ARHGAP15: variants seen among roughly 807,000 people sequenced by gnomAD.
ARHGAP15 encodes the protein rho GTPase-activating protein 15.
A neutral mutation model predicts 63.7 loss-of-function variants in ARHGAP15; 51 were observed. That is an observed-to-expected ratio of 0.80 (90% CI 0.64 to 1.01). The LOEUF (loss-of-function observed/expected upper bound fraction) is 1.01, where lower values mean the gene tolerates loss of function less well. Among genes scored for constraint, ARHGAP15 ranks in the 50% least tolerant of loss-of-function variants. The pLI, the probability that ARHGAP15 is intolerant of heterozygous loss-of-function variation, is 0.00. For missense variants in ARHGAP15, 560 were observed against 564.6 expected (o/e 0.99, Z 0.08); for synonymous variants, 191 against 193.8 (o/e 0.99, Z 0.12).
intron 6 of ARHGAP15, among the ~76,000 whole-genome samples, chr2:143,367,546 T>C (rs1375475200): frequency 1.3e-5 from 2 of 152,096 alleles, no homozygotes; most frequent in African/African-American, 4.8e-5. Context: ...TATTTATAAC[T>C]AAATGGCATT....
At chr2:143,481,102 G>A (rs552889074) in intron 8 of ARHGAP15, among the ~76,000 whole-genome samples, 120 of 152,032 alleles carry the variant, frequency 7.9e-4, no homozygotes, top group Non-Finnish European at 1.4e-3. Flanking sequence ...ACCTTATTTT[G>A]TCTTTTTTTT....
chr2:143,564,161 A>G (rs1051194111), intron 11 of ARHGAP15: 1 of 152,266 alleles, frequency 6.6e-6, no homozygotes, highest in African/African-American at 2.4e-5. Context: ...ATCTTACAGC[A>G]TGGCAGCTGC....
chr2:143,673,179 C>T (rs183817460), intron 12 of ARHGAP15, among the ~76,000 whole-genome samples: 33 of 152,196 alleles, frequency 2.2e-4, no homozygotes, highest in African/African-American at 5.5e-4. Context: ...ACATATACAG[C>T]GTTTGAGATT....
intron 9 of ARHGAP15, among the ~76,000 whole-genome samples, chr2:143,514,204 T>C (rs948995392): frequency 3.9e-4 from 60 of 152,204 alleles, no homozygotes; most frequent in African/African-American, 1.4e-3. Flanking sequence ...ACACAGTGTC[T>C]GGCTTATAAC....
chr2:143,191,882 A>C (rs1361730907), intron 2 of ARHGAP15, among the ~76,000 whole-genome samples: 2 of 152,232 alleles, frequency 1.3e-5, no homozygotes, highest in Non-Finnish European at 2.9e-5. Flanking sequence ...CCCATCTTTT[A>C]TAAAAATGTG....
At chr2:143,733,039 A>AAT (rs1447233099) in intron 13 of ARHGAP15, among the ~76,000 whole-genome samples, 2 of 151,686 alleles carry the variant, frequency 1.3e-5, no homozygotes, top group African/African-American at 4.8e-5. Context: ...ATGTCACATG[A>AAT]ATATCTCCAC....
At chr2:143,647,861 C>T (rs1326701542) in intron 12 of ARHGAP15, among the ~76,000 whole-genome samples, 1 of 151,982 alleles carries the variant, frequency 6.6e-6, no homozygotes, top group South Asian at 2.1e-4. Flanking sequence ...AATAAATTAA[C>T]TTTTCTCATT....
intron 11 of ARHGAP15, among the ~76,000 whole-genome samples, chr2:143,587,145 C>A (rs1469195404): frequency 6.6e-6 from 1 of 152,114 alleles, no homozygotes; most frequent in Non-Finnish European, 1.5e-5. Flanking sequence ...AGGATACAGC[C>A]ATTCCCATGT....
At chr2:143,489,186 G>T (rs1692464539) in intron 9 of ARHGAP15, among the ~76,000 whole-genome samples, 1 of 152,204 alleles carries the variant, frequency 6.6e-6, no homozygotes, top group African/African-American at 2.4e-5. Flanking sequence ...GGCTCCACAT[G>T]AAATGCTGAA....
At chr2:143,492,564 C>A (rs947058719) in intron 9 of ARHGAP15, among the ~76,000 whole-genome samples, 4 of 151,056 alleles carry the variant, frequency 2.6e-5, no homozygotes, top group Admixed American at 1.3e-4. Flanking sequence ...TCAAGATGAG[C>A]CTGGGCACGA....
At chr2:143,701,361 T>G (rs1327898705) in intron 12 of ARHGAP15, among the ~76,000 whole-genome samples, 1 of 152,204 alleles carries the variant, frequency 6.6e-6, no homozygotes, top group African/African-American at 2.4e-5. Flanking sequence ...CATCTTATTA[T>G]TAAGAACTGT....
chr2:143,448,439 AAGATGAATTCAGAGATCAGAGGTAAGG>A (rs1163085517), intron 8 of ARHGAP15, among the ~76,000 whole-genome samples: 7 of 152,066 alleles, frequency 4.6e-5, no homozygotes, highest in African/African-American at 7.2e-5. Flanking sequence ...CAGAGGTAAG[AAGATGAATTCAGAGATCAGAGGTAAGG>A]AGATGAATTC....
Position 143,285,353 on chromosome 2 carries a change from ACACT to A in ARHGAP15, c.474+34756_474+34759del, listed in dbSNP as rs1479697541. On this transcript the variant is annotated intron_variant, in intron 6 of 13. Transcript: ENST00000295095. ...TATACTAAAACATTAAGATATATAAACACTCAAACTATCATTACAAAATCTATGT... is the reference window on the plus strand; with the variant it reads ...TATACTAAAACATTAAGATATATAAACAAACTATCATTACAAAATCTATGT... Among the ~76,000 whole-genome samples the A allele has an allele frequency of 9.8e-5, 15 of 152,286 alleles. 1 individual carries two copies. The South Asian group carries it at 1.9e-3, about 19-fold the overall frequency.
intron 12 of ARHGAP15, among the ~76,000 whole-genome samples, chr2:143,664,680 T>C (rs1165356431): frequency 1.3e-5 from 2 of 150,982 alleles, no homozygotes; most frequent in African/African-American, 2.4e-5. Flanking sequence ...GCAAGACTAA[T>C]AAAGAAAAAA....
intron 11 of ARHGAP15, among the ~76,000 whole-genome samples, chr2:143,601,141 T>G (rs757775625): frequency 2.0e-5 from 3 of 152,158 alleles, no homozygotes; most frequent in African/African-American, 4.8e-5. Context: ...CTGCTGAGTT[T>G]GAAGGAAACC....
At chr2:143,141,796 A>G (rs1248430610) in intron 1 of ARHGAP15, among the ~76,000 whole-genome samples, 2 of 152,126 alleles carry the variant, frequency 1.3e-5, no homozygotes, top group Non-Finnish European at 2.9e-5. Context: ...TGAAAATAAT[A>G]TTGACTTAAT....
rs116275244 is a variant in ARHGAP15, at chr2:143,178,233, A to T, written c.165+22578A>T. Among the ~76,000 whole-genome samples, 1,173 of 152,316 alleles carry T rather than the reference A, an allele frequency of 7.7e-3. 14 individuals carry two copies. Among genetic ancestry groups the T allele is most frequent in the African/African-American group, 0.027 (1,108 of 41,568 alleles). Reference sequence around the variant, plus strand: ...GGTCAAGGTCCTCCACAAAACTCTAAGTTTCTAGAGGGCAGAGACTATATA... The same window carrying T: ...GGTCAAGGTCCTCCACAAAACTCTATGTTTCTAGAGGGCAGAGACTATATA... On this transcript the variant is annotated intron_variant, in intron 2 of 13. Coordinates refer to ENST00000295095, the MANE Select transcript of ARHGAP15 (RefSeq NM_018460.4).
At chr2:143,145,242 TATA>T (rs1351442161) in intron 1 of ARHGAP15, among the ~76,000 whole-genome samples, 1 of 152,034 alleles carries the variant, frequency 6.6e-6, no homozygotes, top group Admixed American at 6.6e-5. Flanking sequence ...AACAATAAAT[TATA>T]ATGAGTGATC....
rs965681918 is a variant in ARHGAP15 at position 143,725,423 on chromosome 2, G to A, written c.1244+21899G>A. On this transcript the variant is annotated intron_variant, in intron 13 of 13. Transcript: ENST00000295095. Reference sequence around the variant, plus strand: ...TCAACACCAATCTGGAGAAAACAACGTACTCTGCTCTTTTAATTCATTATG... The same window carrying A: ...TCAACACCAATCTGGAGAAAACAACATACTCTGCTCTTTTAATTCATTATG... 7.9e-5 allele frequency among the ~76,000 whole-genome samples: 12 copies of A among 152,266 alleles called. No individual in the cohort carries two copies. The South Asian group carries it at 8.3e-4, about 11-fold the overall frequency.
Sources: gnomAD v4.1 joint callset for allele counts (sites outside exome capture counted in the v4.1 genomes callset) on GRCh38, gnomAD v4.1.1 for gene constraint, MANE v1.5 for transcripts, NCBI Gene and HGNC (gene_info 2026-07-23, HGNC 2026-07-21) for gene names.